PDE4D: variants seen among roughly 807,000 people sequenced by gnomAD.
PDE4D encodes 3',5'-cyclic-AMP phosphodiesterase 4D.
In PDE4D, 24 loss-of-function variants were observed where a neutral mutation model predicts 87.4. That is an observed-to-expected ratio of 0.27 (90% CI 0.20 to 0.39). PDE4D has a LOEUF of 0.39. Among genes scored for constraint, PDE4D ranks in the 10% least tolerant of loss-of-function variants. The probability of loss-of-function intolerance (pLI) is 1.00; values close to 1 mark genes in which losing one functional copy is unlikely to be tolerated. For missense variants in PDE4D, 714 were observed against 1,041.0 expected, an observed-to-expected ratio of 0.69 and a Z score of 4.32; for synonymous variants, 384 against 383.2, an observed-to-expected ratio of 1.00 and a Z score of -0.02.
At position 60,241,254 on chromosome 5, in the gene PDE4D, T is replaced by C. The variant is rs78426979; in HGVS notation, c.-89-55567A>G. 0.013 allele frequency among the ~76,000 whole-genome samples: 1,841 copies of C among 138,344 alleles called. 64 individuals carry two copies. The East Asian group carries it at 0.14, about 11-fold the overall frequency. The allele number at this position is 138,344 out of a possible 152,430, so 90.8% of individuals were successfully genotyped here. A position where few individuals can be genotyped will look rare whatever the true frequency, so the allele number is the denominator to read the frequency against. ...TGATATACTGAAGAATACATCAGAGTCTCTCTCTCTCTCTCTCTTTTTTTT... is the reference window on the plus strand; with the variant it reads ...TGATATACTGAAGAATACATCAGAGCCTCTCTCTCTCTCTCTCTTTTTTTT... On this transcript the variant is annotated intron_variant, in intron 1 of 16. Coordinates refer to the PDE4D transcript ENST00000502484.
rs1438130393 is a variant in PDE4D at position 58,973,757 on chromosome 5, G to C, written c.*907C>G. The C allele has an allele frequency of 1.3e-5, 2 of 151,996 alleles. No individual in the cohort carries two copies. Among genetic ancestry groups the C allele is most frequent in the African/African-American group, 4.8e-5 (2 of 41,302 alleles). The allele number at this position is 151,996 out of a possible 1,614,324, so 9.4% of individuals were successfully genotyped here. On this transcript the variant is annotated 3_prime_UTR_variant, in exon 15 of 15. Coordinates refer to ENST00000340635, the MANE Select transcript of PDE4D (RefSeq NM_001104631.2). ...GGTGAAGAGCAACTCTGCTTATCTG[G>C]AAAGAGTGAAACAAAATGCAAAGTA...
At chr5:59,619,243 A>G (rs1830070345) in intron 1 of PDE4D, among the ~76,000 whole-genome samples, 1 of 152,144 alleles carries the variant, frequency 6.6e-6, no homozygotes, top group African/African-American at 2.4e-5. Context: ...GGGAGGTGGT[A>G]GAGCAGATTG....
intron 1 of PDE4D, among the ~76,000 whole-genome samples, chr5:59,754,014 A>T (rs1760860580): frequency 6.6e-6 from 1 of 152,108 alleles, no homozygotes; most frequent in Admixed American, 6.6e-5. Context: ...AACAGTGTAA[A>T]ATGAGGAGCT....
At chr5:60,383,009 G>C (rs568653971) in intron 1 of PDE4D, among the ~76,000 whole-genome samples, 1 of 152,244 alleles carries the variant, frequency 6.6e-6, no homozygotes, top group East Asian at 1.9e-4. Context: ...TCAAGGGAAA[G>C]TTTCACTGGA....
At chr5:59,711,855 A>G (rs989888268) in intron 1 of PDE4D, among the ~76,000 whole-genome samples, 2 of 152,030 alleles carry the variant, frequency 1.3e-5, no homozygotes, top group Non-Finnish European at 2.9e-5. Flanking sequence ...TTCATTAGCA[A>G]CTCTCATGAA....
intron 2 of PDE4D, among the ~76,000 whole-genome samples, chr5:60,063,336 C>T (rs1771704710): frequency 6.6e-6 from 1 of 152,020 alleles, no homozygotes; most frequent in Admixed American, 6.6e-5. Flanking sequence ...CTAATTGTGT[C>T]AAGTACAGAG....
chr5:59,091,154 C>A, intron 5 of PDE4D: 1 of 451,188 alleles, frequency 2.2e-6, no homozygotes, highest in Non-Finnish European at 4.4e-6. Context: ...GAAAGAAAAT[C>A]CAAGTGTTTT....
intron 1 of PDE4D, among the ~76,000 whole-genome samples, chr5:60,294,201 C>T (rs1753174313): frequency 6.6e-6 from 1 of 152,094 alleles, no homozygotes; most frequent in Non-Finnish European, 1.5e-5. Flanking sequence ...GCACTCTTTA[C>T]TGTGTTCATT....
intron 1 of PDE4D, among the ~76,000 whole-genome samples, chr5:60,454,349 C>T (rs897306562): frequency 1.1e-4 from 16 of 152,084 alleles, no homozygotes; most frequent in African/African-American, 2.2e-4. Context: ...TACACGCATG[C>T]GTATGTTTAT....
intron 1 of PDE4D, among the ~76,000 whole-genome samples, chr5:60,429,525 G>GGA (rs1232872586): frequency 6.6e-6 from 1 of 152,086 alleles, no homozygotes; most frequent in Admixed American, 6.5e-5. Flanking sequence ...AGTGAGAGTG[G>GGA]GCATCCTTGT....
At chr5:60,326,836 C>G (rs751426085) in intron 1 of PDE4D, among the ~76,000 whole-genome samples, 10 of 152,078 alleles carry the variant, frequency 6.6e-5, no homozygotes, top group Non-Finnish European at 1.3e-4. Context: ...TTTTTAAAGT[C>G]GTTCAAGTTT....
intron 3 of PDE4D, among the ~76,000 whole-genome samples, chr5:59,973,484 G>T (rs1760994277): frequency 8.9e-6 from 1 of 112,932 alleles, no homozygotes; most frequent in Non-Finnish European, 1.8e-5. Flanking sequence ...TAATCCATAA[G>T]TATACATTTT....
intron 5 of PDE4D, among the ~76,000 whole-genome samples, chr5:59,104,817 T>C (rs1230674999): frequency 2.0e-5 from 3 of 152,092 alleles, no homozygotes; most frequent in Non-Finnish European, 4.4e-5. Context: ...TGAAGGATGA[T>C]GTGAATGCAC....
upstream of PDE4D, among the ~76,000 whole-genome samples, chr5:59,898,170 T>C (rs74430042): frequency 3.9e-3 from 591 of 152,294 alleles, 13 homozygotes; most frequent in East Asian, 0.09. Flanking sequence ...CTAATGCAAA[T>C]TTAGCAGCAC....
At chr5:59,525,824 C>T (rs1002187461) in intron 1 of PDE4D, among the ~76,000 whole-genome samples, 7 of 152,134 alleles carry the variant, frequency 4.6e-5, no homozygotes, top group African/African-American at 1.4e-4. Flanking sequence ...TTCCCCCTTT[C>T]CTCTGCACTT....
chr5:60,078,689 A>T (rs1316080625), intron 2 of PDE4D, among the ~76,000 whole-genome samples: 1 of 152,174 alleles, frequency 6.6e-6, no homozygotes, highest in Non-Finnish European at 1.5e-5. Flanking sequence ...TTCCAGCTTC[A>T]TCCATGTTCC....
intron 1 of PDE4D, among the ~76,000 whole-genome samples, chr5:59,270,141 C>T (rs1048774023): frequency 1.2e-4 from 18 of 152,240 alleles, no homozygotes; most frequent in African/African-American, 4.1e-4. Flanking sequence ...TTTCTAAAAG[C>T]TGTATATCTT....
chr5:59,435,266 T>C (rs1159119605), intron 1 of PDE4D, among the ~76,000 whole-genome samples: 1 of 152,170 alleles, frequency 6.6e-6, no homozygotes, highest in Non-Finnish European at 1.5e-5. Context: ...GTCCTTTGCT[T>C]GAAATTATCC....
At chr5:60,060,445 C>T (rs1039069143) in intron 2 of PDE4D, among the ~76,000 whole-genome samples, 2 of 152,050 alleles carry the variant, frequency 1.3e-5, no homozygotes, top group African/African-American at 4.8e-5. Context: ...ATCTGATTTA[C>T]CCCAGTTCCA....
Sources: gnomAD v4.1 joint callset for allele counts (sites outside exome capture counted in the v4.1 genomes callset) on GRCh38, gnomAD v4.1.1 for gene constraint, MANE v1.5 for transcripts, NCBI Gene and HGNC (gene_info 2026-07-23, HGNC 2026-07-21) for gene names.